KCNH8: variants seen among roughly 807,000 people sequenced by gnomAD.
KCNH8 encodes the protein potassium voltage-gated channel subfamily H member 8.
KCNH8 carries 70 observed loss-of-function variants against 103.6 expected under a neutral mutation model. The observed-to-expected ratio is 0.68, with a 90% CI of 0.56 to 0.82. The LOEUF (loss-of-function observed/expected upper bound fraction) is 0.82, where lower values mean the gene tolerates loss of function less well. Ranked by LOEUF, KCNH8 falls within the 40% of genes least tolerant of loss-of-function variation. The probability of loss-of-function intolerance (pLI) is 0.00; values close to 1 mark genes in which losing one functional copy is unlikely to be tolerated. For synonymous variants in KCNH8, 498 were observed against 489.4 expected (o/e 1.02, Z -0.23); for missense variants, 1,217 against 1,329.9 (o/e 0.92, Z 1.32).
At chr3:19,348,610 G>C (rs2065759180) in intron 5 of KCNH8, among the ~76,000 whole-genome samples, 1 of 151,932 alleles carries the variant, frequency 6.6e-6, no homozygotes, top group Non-Finnish European at 1.5e-5. Flanking sequence ...ATCTTGTTTA[G>C]ACCAAAGCCT....
chr3:19,450,022 C>T, intron 8 of KCNH8, 84 bp from the exon 9 acceptor site: 1 of 1,159,324 alleles, frequency 8.6e-7, no homozygotes, highest in Non-Finnish European at 1.3e-6. Flanking sequence ...CTGCTCTGAT[C>T]CAGGATAAAC....
At chr3:19,191,939 T>G (rs1485434207) in intron 1 of KCNH8, among the ~76,000 whole-genome samples, 3 of 151,768 alleles carry the variant, frequency 2.0e-5, no homozygotes, top group Non-Finnish European at 4.4e-5. Flanking sequence ...CTACCCATTT[T>G]TAATCTTTCT....
At chr3:19,384,025 AATAG>A (rs2066322973) in intron 5 of KCNH8, among the ~76,000 whole-genome samples, 2 of 152,206 alleles carry the variant, frequency 1.3e-5, no homozygotes, top group Non-Finnish European at 2.9e-5. Flanking sequence ...AGGGAGTCAA[AATAG>A]ATAGTCTGTA....
At chr3:19,399,048 G>A (rs1029898524) in intron 7 of KCNH8, among the ~76,000 whole-genome samples, 4 of 151,918 alleles carry the variant, frequency 2.6e-5, no homozygotes, top group African/African-American at 4.8e-5. Flanking sequence ...CACATACGTA[G>A]GAAATTTTTA....
At position 19,316,112 on chromosome 3, in the gene KCNH8, AT is replaced by A. The variant is rs545262699; in HGVS notation, c.443-26469del. On this transcript the variant is annotated intron_variant, in intron 3 of 15. Coordinates refer to ENST00000328405, the MANE Select transcript of KCNH8 (RefSeq NM_144633.3). ...AAAAAATAAAATTATTGATTGCATA[AT>A]TTTTTGGTTGAATTTTATGGAAAGG... Among the ~76,000 whole-genome samples, 206 of 152,078 alleles carry A rather than the reference AT, an allele frequency of 1.4e-3. 1 individual carries two copies. The highest frequency in any genetic ancestry group is 4.7e-3 in the African/African-American group (197 of 41,528).
intron 3 of KCNH8, among the ~76,000 whole-genome samples, chr3:19,312,003 C>T (rs1010861693): frequency 3.3e-5 from 5 of 151,830 alleles, no homozygotes; most frequent in Non-Finnish European, 5.9e-5. Flanking sequence ...TTTAGACATA[C>T]GGATTGCCTT....
intron 5 of KCNH8, among the ~76,000 whole-genome samples, chr3:19,372,558 C>T (rs1450731674): frequency 3.3e-5 from 5 of 152,154 alleles, no homozygotes; most frequent in African/African-American, 9.7e-5. Flanking sequence ...CGTCTGCAAA[C>T]AAGGACAATT....
intron 15 of KCNH8, among the ~76,000 whole-genome samples, chr3:19,521,098 C>T (rs1193335848): frequency 1.3e-5 from 2 of 151,852 alleles, no homozygotes; most frequent in African/African-American, 4.8e-5. Flanking sequence ...CACAATAGGG[C>T]CATGGGCTGT....
chr3:19,154,635 G>A (rs1455633642), intron 1 of KCNH8, among the ~76,000 whole-genome samples: 1 of 152,122 alleles, frequency 6.6e-6, no homozygotes, highest in Non-Finnish European at 1.5e-5. Context: ...CATTTTCTTA[G>A]GAATGTTTCT....
intron 7 of KCNH8, among the ~76,000 whole-genome samples, chr3:19,429,320 C>T (rs1203058605): frequency 6.6e-6 from 1 of 151,886 alleles, no homozygotes; most frequent in African/African-American, 2.4e-5. Context: ...ACTACAGGTG[C>T]CCGCCACTAC....
chr3:19,220,595 T>G (rs1463130318), intron 1 of KCNH8, among the ~76,000 whole-genome samples: 2 of 152,274 alleles, frequency 1.3e-5, no homozygotes, highest in East Asian at 3.9e-4. Flanking sequence ...CACTGATTTT[T>G]TTTTTCAGCC....
chr3:19,415,404 C>CTTT lies in KCNH8; in HGVS notation c.1177+20109_1177+20111dup, dbSNP rs36068858. On this transcript the variant is annotated intron_variant, in intron 7 of 15. Coordinates refer to ENST00000328405, the MANE Select transcript of KCNH8 (RefSeq NM_144633.3). ...TTGGGATTTTTACTTTCTCAATGAG[C>CTTT]TTTTTTTTTTTTTTTTTTAAGATTT... Among the ~76,000 whole-genome samples the CTTT allele has an allele frequency of 2.1e-4, 25 of 120,764 alleles. 1 individual carries two copies. Among genetic ancestry groups the CTTT allele is most frequent in the East Asian group, 1.4e-3 (6 of 4,238 alleles). The allele number at this position is 120,764 out of a possible 152,430, so 79.2% of individuals were successfully genotyped here.
intron 7 of KCNH8, among the ~76,000 whole-genome samples, chr3:19,395,922 G>A (rs6551250): frequency 0.58 from 88,033 of 151,768 alleles, 26,055 homozygotes; most frequent in African/African-American, 0.69. Context: ...TTTTTTGAAT[G>A]TTACATAATC....
chr3:19,526,636 C>A (rs945462528), intron 15 of KCNH8, among the ~76,000 whole-genome samples: 1 of 151,856 alleles, frequency 6.6e-6, no homozygotes, highest in African/African-American at 2.4e-5. Flanking sequence ...AATAGGTCAC[C>A]AGTATCGCAG....
At chr3:19,307,068 A>C (rs1204258256) in intron 3 of KCNH8, among the ~76,000 whole-genome samples, 2 of 152,042 alleles carry the variant, frequency 1.3e-5, no homozygotes, top group Non-Finnish European at 2.9e-5. Context: ...ACGAATCCAC[A>C]TATCTACAGC....
chr3:19,337,266 G>A (rs973710251), intron 3 of KCNH8, among the ~76,000 whole-genome samples: 8 of 151,948 alleles, frequency 5.3e-5, no homozygotes, highest in African/African-American at 1.9e-4. Context: ...GCCTAACAAA[G>A]TGAGTATTAA....
At chr3:19,238,156 G>A (rs2064088991) in intron 1 of KCNH8, among the ~76,000 whole-genome samples, 2 of 152,130 alleles carry the variant, frequency 1.3e-5, no homozygotes, top group South Asian at 4.1e-4. Flanking sequence ...ATCCATCTTA[G>A]TATTAGTTCT....
chr3:19,189,174 C>A (rs2063528830), intron 1 of KCNH8, among the ~76,000 whole-genome samples: 1 of 151,892 alleles, frequency 6.6e-6, no homozygotes, highest in Non-Finnish European at 1.5e-5. Flanking sequence ...TCTGACAGGC[C>A]AGAAAGGTAG....
intron 1 of KCNH8, among the ~76,000 whole-genome samples, chr3:19,193,832 A>T (rs534988087): frequency 8.6e-5 from 13 of 151,908 alleles, no homozygotes; most frequent in African/African-American, 3.1e-4. Flanking sequence ...ATTAAGTATT[A>T]GCACTTCTCT....
Sources: gnomAD v4.1 joint callset for allele counts (sites outside exome capture counted in the v4.1 genomes callset) on GRCh38, gnomAD v4.1.1 for gene constraint, MANE v1.5 for transcripts, NCBI Gene and HGNC (gene_info 2026-07-23, HGNC 2026-07-21) for gene names.